MGAT5: variants seen among roughly 807,000 people sequenced by gnomAD.
MGAT5 encodes the protein alpha-1,6-mannosylglycoprotein 6-beta-N-acetylglucosaminyltransferase A.
A neutral mutation model predicts 94.3 loss-of-function variants in MGAT5; 30 were observed. That is an observed-to-expected ratio of 0.32 (90% CI 0.24 to 0.43). MGAT5 has a LOEUF of 0.43. Among genes scored for constraint, MGAT5 ranks in the 20% least tolerant of loss-of-function variants. The pLI is 1.00. For synonymous variants in MGAT5, 310 were observed against 322.9 expected (o/e 0.96, Z 0.43); for missense variants, 691 against 905.5 (o/e 0.76, Z 3.04).
intron 11 of MGAT5, among the ~76,000 whole-genome samples, chr2:134,411,972 A>T (rs1683692256): frequency 6.6e-6 from 1 of 152,232 alleles, no homozygotes; most frequent in South Asian, 2.1e-4. Flanking sequence ...CGTCAAGCCC[A>T]GACCTGGACC....
chr2:134,162,538 G>A (rs887535867), intron 1 of MGAT5, among the ~76,000 whole-genome samples: 27 of 152,324 alleles, frequency 1.8e-4, no homozygotes, highest in African/African-American at 6.3e-4. Context: ...ATCCTTTGAG[G>A]TTATTGATCT....
chr2:134,147,157 A>G (rs185507412), intron 1 of MGAT5, among the ~76,000 whole-genome samples: 15 of 152,224 alleles, frequency 9.9e-5, no homozygotes, highest in Admixed American at 5.9e-4. Flanking sequence ...GTTCTTAGTC[A>G]TTTTGTTTCT....
intron 2 of MGAT5, among the ~76,000 whole-genome samples, chr2:134,276,273 T>C (rs1439337592): frequency 6.6e-6 from 1 of 150,764 alleles, no homozygotes; most frequent in Non-Finnish European, 1.5e-5. Flanking sequence ...GATCCTGCCC[T>C]TAAGGAACTC....
intron 12 of MGAT5, among the ~76,000 whole-genome samples, chr2:134,416,994 T>C (rs1684014299): frequency 6.6e-6 from 1 of 152,030 alleles, no homozygotes; most frequent in African/African-American, 2.4e-5. Context: ...GAATATTCCA[T>C]TGAATATATA....
chr2:134,432,272 G>C (rs906538852), intron 14 of MGAT5, among the ~76,000 whole-genome samples: 1 of 152,174 alleles, frequency 6.6e-6, no homozygotes, highest in African/African-American at 2.4e-5. Flanking sequence ...TAAATATATA[G>C]CATGGTCACA....
intron 6 of MGAT5, among the ~76,000 whole-genome samples, chr2:134,341,168 A>G (rs1005827407): frequency 6.6e-6 from 1 of 152,126 alleles, no homozygotes; most frequent in Non-Finnish European, 1.5e-5. Context: ...GCTACACAGT[A>G]ATTACTTTGG....
chr2:134,225,376 A>G (rs1036234610), intron 1 of MGAT5, among the ~76,000 whole-genome samples: 1 of 152,194 alleles, frequency 6.6e-6, no homozygotes, highest in Admixed American at 6.5e-5. Context: ...GAGTCACACA[A>G]GAGTGATGTT....
At chr2:134,223,654 C>T (rs1680904200) in intron 1 of MGAT5, among the ~76,000 whole-genome samples, 1 of 152,036 alleles carries the variant, frequency 6.6e-6, no homozygotes, top group Non-Finnish European at 1.5e-5. Flanking sequence ...ACGTTTTACC[C>T]TCGAAACAGT....
At chr2:134,349,741 G>A in intron 8 of MGAT5, 64 bp from the exon 9 acceptor site, 1 of 1,589,042 alleles carries the variant, frequency 6.3e-7, no homozygotes, top group South Asian at 1.1e-5. Context: ...AAGGGTTAGA[G>A]CTTTTACCTT....
intron 1 of MGAT5, among the ~76,000 whole-genome samples, chr2:134,189,602 G>GTTTTGTTTTGT (rs1553490380): frequency 1.0e-3 from 88 of 84,636 alleles, no homozygotes; most frequent in African/African-American, 2.4e-3. Context: ...GTTTTTTTTT[G>GTTTTGTTTTGT]TTTTTTTTTT....
Position 134,449,070 on chromosome 2 carries a change from C to G in MGAT5, c.*223C>G, listed in dbSNP as rs975032124. The G allele has an allele frequency of 1.8e-6, 1 of 568,702 alleles. No individual in the cohort carries two copies. Among genetic ancestry groups the G allele is most frequent in the Non-Finnish European group, 3.1e-6 (1 of 318,188 alleles). The allele number at this position is 568,702 out of a possible 1,614,324, so 35.2% of individuals were successfully genotyped here. A position where few individuals can be genotyped will look rare whatever the true frequency, so the allele number is the denominator to read the frequency against. ...ATGTCAGGCCAGGAGCCTGGCTTGTCCCTGGCACAACATCATTTCTGTTTC... is the reference window on the plus strand; with the variant it reads ...ATGTCAGGCCAGGAGCCTGGCTTGTGCCTGGCACAACATCATTTCTGTTTC... On this transcript the variant is annotated 3_prime_UTR_variant, in exon 16 of 16. Transcript: ENST00000281923.
Position 134,287,044 on chromosome 2 carries a change from T to C in MGAT5, c.406+16494T>C, listed in dbSNP as rs529570078. ...GTCTGGGAAATTTTTGTGAACTGTT[T>C]ATTGAGTAGTCTCATCTCCCTACAG... On this transcript the variant is annotated intron_variant, in intron 2 of 15. Coordinates refer to ENST00000281923, the MANE Select transcript of MGAT5 (RefSeq NM_002410.5). 3.3e-5 allele frequency among the ~76,000 whole-genome samples: 5 copies of C among 152,346 alleles called. No individual in the cohort carries two copies. The East Asian group carries it at 9.6e-4, about 29-fold the overall frequency.
chr2:134,225,600 A>C (rs1318785410), intron 1 of MGAT5, among the ~76,000 whole-genome samples: 1 of 152,162 alleles, frequency 6.6e-6, no homozygotes, highest in East Asian at 1.9e-4. Flanking sequence ...ATTCACGTTC[A>C]AGTGTATAGA....
intron 1 of MGAT5, among the ~76,000 whole-genome samples, chr2:134,121,112 G>C (rs1488286668): frequency 6.6e-6 from 1 of 152,216 alleles, no homozygotes; most frequent in African/African-American, 2.4e-5. Flanking sequence ...AGGGAGACGT[G>C]GGCGCCGCTC....
At chr2:134,349,764 G>T (rs1167380897) in intron 8 of MGAT5, 41 bp from the exon 9 acceptor site, 2 of 1,603,024 alleles carry the variant, frequency 1.2e-6, no homozygotes, top group South Asian at 2.2e-5. Context: ...CAACTTTGGG[G>T]GCAAGTATGT....
intron 1 of MGAT5, among the ~76,000 whole-genome samples, chr2:134,218,535 G>A (rs111576499): frequency 6.6e-6 from 1 of 152,190 alleles, no homozygotes; most frequent in African/African-American, 2.4e-5. Flanking sequence ...TAGGCTGGCT[G>A]GATCTGGTCT....
intron 10 of MGAT5, among the ~76,000 whole-genome samples, chr2:134,386,561 C>G (rs1158972268): frequency 6.6e-6 from 1 of 152,236 alleles, no homozygotes; most frequent in Non-Finnish European, 1.5e-5. Context: ...CTCAGAGGCA[C>G]TCTTGGTCCA....
At chr2:134,266,165 A>AG (rs1432349969) in intron 1 of MGAT5, among the ~76,000 whole-genome samples, 1 of 151,654 alleles carries the variant, frequency 6.6e-6, no homozygotes, top group East Asian at 1.9e-4. Context: ...CATCTCAAAA[A>AG]AAAAAAAAAA....
intron 11 of MGAT5, among the ~76,000 whole-genome samples, chr2:134,405,859 G>A (rs1298729106): frequency 2.0e-5 from 3 of 152,344 alleles, no homozygotes; most frequent in Middle Eastern, 3.4e-3. Context: ...GGGTGCAGGC[G>A]TCATTAGTAG....
Sources: gnomAD v4.1 joint callset for allele counts (sites outside exome capture counted in the v4.1 genomes callset) on GRCh38, gnomAD v4.1.1 for gene constraint, MANE v1.5 for transcripts, NCBI Gene and HGNC (gene_info 2026-07-23, HGNC 2026-07-21) for gene names.